The following MOB1B variants were observed in gnomAD, a reference collection of about 807,000 sequenced individuals.
MOB1B encodes MOB1 Mps One Binder homolog B.
A neutral mutation model predicts 24.4 loss-of-function variants in MOB1B; 19 were observed. That is an observed-to-expected ratio of 0.78 (90% CI 0.54 to 1.14). The LOEUF (loss-of-function observed/expected upper bound fraction) is 1.14, where lower values mean the gene tolerates loss of function less well. Ranked by LOEUF, MOB1B falls within the 50% of genes most tolerant of loss-of-function variation. The probability of loss-of-function intolerance (pLI) is 0.00; values close to 1 mark genes in which losing one functional copy is unlikely to be tolerated. For missense variants in MOB1B, 243 were observed against 259.6 expected (o/e 0.94, Z 0.44); for synonymous variants, 76 against 82.1 (o/e 0.93, Z 0.40).
intron 1 of MOB1B, among the ~76,000 whole-genome samples, chr4:70,953,843 C>G (rs1737913376): frequency 6.6e-6 from 1 of 152,118 alleles, no homozygotes; most frequent in Admixed American, 6.6e-5. Flanking sequence ...ACTTGGGAGG[C>G]TGAGGCAGGA....
chr4:70,925,329 G>A (rs1736606129), intron 1 of MOB1B, among the ~76,000 whole-genome samples: 1 of 152,188 alleles, frequency 6.6e-6, no homozygotes, highest in East Asian at 1.9e-4. Context: ...GAGCCACCAT[G>A]CCTGGTGAGC....
intron 4 of MOB1B, among the ~76,000 whole-genome samples, chr4:70,978,372 A>G (rs1228955722): frequency 6.6e-6 from 1 of 152,200 alleles, no homozygotes; most frequent in Non-Finnish European, 1.5e-5. Context: ...TATTGTGGAC[A>G]ATGCTGTAGT....
chr4:70,933,434 TTTAA>T (rs1211207663), intron 1 of MOB1B, among the ~76,000 whole-genome samples: 2 of 152,176 alleles, frequency 1.3e-5, no homozygotes, highest in East Asian at 3.8e-4. Flanking sequence ...TCAAACTAGT[TTTAA>T]TTAGGCTTTC....
rs951316878 is a variant in MOB1B, at chr4:70,984,397, G to C, written c.*2340G>C. 3 of 152,130 alleles carry C rather than the reference G, an allele frequency of 2.0e-5. No homozygotes were observed. The highest frequency in any genetic ancestry group is 1.9e-4 in the East Asian group (1 of 5,194). 9.4% of individuals were successfully genotyped at this position (152,130 alleles called of 1,614,324 possible). A position where few individuals can be genotyped will look rare whatever the true frequency, so the allele number is the denominator to read the frequency against. ...GATGTAATAAAAGGTTGATTTGGTT[G>C]GTTCCCATGAAAGTTAGTAAGATGC... On this transcript the variant is annotated 3_prime_UTR_variant, in exon 6 of 6. Coordinates refer to ENST00000309395, the MANE Select transcript of MOB1B (RefSeq NM_173468.4).
intron 2 of MOB1B, among the ~76,000 whole-genome samples, chr4:70,968,843 G>C (rs1208993871): frequency 3.3e-5 from 5 of 152,028 alleles, no homozygotes; most frequent in Admixed American, 3.3e-4. Context: ...GGCTGGTCTT[G>C]AACTCCTGGC....
chr4:70,906,154 G>A (rs1395950058), intron 1 of MOB1B, among the ~76,000 whole-genome samples: 3 of 152,106 alleles, frequency 2.0e-5, no homozygotes, highest in Admixed American at 6.5e-5. Context: ...GAGGTGGGTG[G>A]ATCACTTGAA....
intron 1 of MOB1B, among the ~76,000 whole-genome samples, chr4:70,943,625 C>T (rs1737441371): frequency 6.6e-6 from 1 of 152,160 alleles, no homozygotes; most frequent in Non-Finnish European, 1.5e-5. Context: ...GTGAATAAGA[C>T]ATATGGGACC....
intron 3 of MOB1B, among the ~76,000 whole-genome samples, chr4:70,972,839 T>C (rs1738815701): frequency 6.6e-6 from 1 of 152,184 alleles, no homozygotes; most frequent in South Asian, 2.1e-4. Context: ...AGTGGCGCGA[T>C]CTCGGCTCAC....
chr4:70,976,100 C>A (rs934283859), intron 4 of MOB1B: 5 of 488,040 alleles, frequency 1.0e-5, no homozygotes, highest in Non-Finnish European at 1.1e-5. Flanking sequence ...CAGGGTTTCA[C>A]CATGTTGGCC....
At chr4:70,919,137 A>T (rs1279718326) in intron 1 of MOB1B, among the ~76,000 whole-genome samples, 8 of 151,628 alleles carry the variant, frequency 5.3e-5, no homozygotes, top group Non-Finnish European at 1.0e-4. Flanking sequence ...GAAGGGGAAC[A>T]TCACACTCTG....
chr4:70,939,541 G>C lies in MOB1B; in HGVS notation c.15-19333G>C, dbSNP rs976405348. 2.0e-5 allele frequency among the ~76,000 whole-genome samples: 3 copies of C among 152,142 alleles called. No homozygotes were observed. The East Asian group carries it at 5.8e-4, about 29-fold the overall frequency. On this transcript the variant is annotated intron_variant, in intron 1 of 5. Transcript: ENST00000309395. ...CTACTAAAAATACAAAATTATCCAG[G>C]CATGGTGGCGCACACCTGCAATCCC... is the stretch of plus-strand genomic sequence containing the variant.
At chr4:70,904,052 G>A (rs1735638838) in intron 1 of MOB1B, among the ~76,000 whole-genome samples, 2 of 121,440 alleles carry the variant, frequency 1.6e-5, no homozygotes, top group Non-Finnish European at 1.6e-5. Context: ...GCGTGATCTC[G>A]GCTCACTGCA....
chr4:70,955,235 G>A (rs1013074219), intron 1 of MOB1B, among the ~76,000 whole-genome samples: 24 of 152,158 alleles, frequency 1.6e-4, no homozygotes, highest in African/African-American at 5.8e-4. Flanking sequence ...TGCAGACACA[G>A]CTGAGGTCCT....
chr4:70,901,898 ATG>A (rs1348209443), upstream of MOB1B, among the ~76,000 whole-genome samples: 1 of 152,126 alleles, frequency 6.6e-6, no homozygotes, highest in African/African-American at 2.4e-5. Flanking sequence ...GGTTACACCG[ATG>A]ACCACCCTAT....
intron 1 of MOB1B, among the ~76,000 whole-genome samples, chr4:70,927,308 G>A (rs1386635250): frequency 3.3e-5 from 5 of 152,156 alleles, no homozygotes; most frequent in Non-Finnish European, 7.3e-5. Context: ...GGAGGCTAAG[G>A]TGGGCAGATC....
At chr4:70,930,037 G>T (rs1237088601) in intron 1 of MOB1B, among the ~76,000 whole-genome samples, 1 of 152,130 alleles carries the variant, frequency 6.6e-6, no homozygotes, top group African/African-American at 2.4e-5. Flanking sequence ...TTACAGGCAT[G>T]AGCCACCGTG....
intron 1 of MOB1B, among the ~76,000 whole-genome samples, chr4:70,958,285 C>G (rs531605720): frequency 1.1e-4 from 17 of 152,058 alleles, no homozygotes; most frequent in African/African-American, 4.1e-4. Flanking sequence ...CTGCCTCAGC[C>G]TCCTGAGTGG....
At chr4:70,915,374 C>G (rs1736157397) in intron 1 of MOB1B, among the ~76,000 whole-genome samples, 1 of 152,180 alleles carries the variant, frequency 6.6e-6, no homozygotes, top group Non-Finnish European at 1.5e-5. Context: ...GTACACTCCA[C>G]AGTGTGGGAG....
chr4:70,910,158 C>T (rs1055194065), intron 1 of MOB1B, among the ~76,000 whole-genome samples: 7 of 151,562 alleles, frequency 4.6e-5, no homozygotes, highest in Admixed American at 3.3e-4. Flanking sequence ...GTCCTGCCTC[C>T]GCCTGCTGAG....
Sources: gnomAD v4.1 joint callset for allele counts (sites outside exome capture counted in the v4.1 genomes callset) on GRCh38, gnomAD v4.1.1 for gene constraint, MANE v1.5 for transcripts, NCBI Gene and HGNC (gene_info 2026-07-23, HGNC 2026-07-21) for gene names.